TRPC4AP: variants seen among roughly 807,000 people sequenced by gnomAD.
TRPC4AP encodes short transient receptor potential channel 4-associated protein.
Under a neutral mutation model 99.0 loss-of-function variants are expected in TRPC4AP, and 45 were observed. That is an observed-to-expected ratio of 0.45 (90% CI 0.36 to 0.58). The LOEUF (loss-of-function observed/expected upper bound fraction) is 0.58, where lower values mean the gene tolerates loss of function less well. TRPC4AP is among the 20% of genes least tolerant of loss of function. The pLI is 0.00. For synonymous variants in TRPC4AP, 408 were observed against 385.8 expected (o/e 1.06, Z -0.67); for missense variants, 879 against 985.3 (o/e 0.89, Z 1.44).
intron 17 of TRPC4AP, 99 bp downstream of exon 17, chr20:35,004,359 G>C (rs562076379): frequency 3.2e-5 from 31 of 980,966 alleles, no homozygotes; most frequent in South Asian, 2.9e-4. Flanking sequence ...CTCCAGAGAC[G>C]CACTTCTGGA....
chr20:35,007,558 G>A lies in TRPC4AP; in HGVS notation c.1678C>T (p.Leu560Phe). The A allele has an allele frequency of 6.2e-7, 1 of 1,614,190 alleles. No homozygotes were observed. Among genetic ancestry groups the A allele is most frequent in the Non-Finnish European group, 8.5e-7 (1 of 1,180,008 alleles). Reference sequence around the variant, plus strand: ...GCTGCTCCAGATCATACCTCCAAGAGGCCTCGCTTCAGCAGGAACATCTGG... The same window carrying A: ...GCTGCTCCAGATCATACCTCCAAGAAGCCTCGCTTCAGCAGGAACATCTGG... ...ADQMFLLKRG[L>F]LEHILYCIVD... The change falls in exon 14 of 19, where the codon CTC becomes TTC. Residue 560 changes from leucine (L) to phenylalanine (F), a missense_variant. Coordinates refer to ENST00000252015, the MANE Select transcript of TRPC4AP (RefSeq NM_015638.3).
chr20:35,080,810 T>G (rs949099007), intron 1 of TRPC4AP, among the ~76,000 whole-genome samples: 1 of 152,058 alleles, frequency 6.6e-6, no homozygotes, highest in Non-Finnish European at 1.5e-5. Flanking sequence ...TTCAGTTTTT[T>G]TTTTTTTTAC....
At chr20:35,015,047 G>A (rs1468108155) in intron 10 of TRPC4AP, among the ~76,000 whole-genome samples, 1 of 152,100 alleles carries the variant, frequency 6.6e-6, no homozygotes, top group Non-Finnish European at 1.5e-5. Flanking sequence ...CACCCAGGCC[G>A]GATGTGCAGT....
chr20:35,060,289 T>C (rs913634681), intron 3 of TRPC4AP, among the ~76,000 whole-genome samples: 3 of 151,778 alleles, frequency 2.0e-5, no homozygotes, highest in African/African-American at 7.3e-5. Context: ...TCCAGACACA[T>C]ACAAAAAGGA....
intron 16 of TRPC4AP, among the ~76,000 whole-genome samples, chr20:35,005,061 C>A (rs1031224051): frequency 4.5e-4 from 68 of 152,190 alleles, no homozygotes; most frequent in Non-Finnish European, 2.5e-4. Context: ...GCAACTGCTT[C>A]CCGCACAACT....
At chr20:35,037,707 C>T (rs1034478161) in intron 7 of TRPC4AP, among the ~76,000 whole-genome samples, 6 of 152,176 alleles carry the variant, frequency 3.9e-5, no homozygotes, top group East Asian at 1.9e-4. Context: ...ACTGCATTAA[C>T]GCTGTTGCGG....
At chr20:35,015,039 C>G (rs1312625777) in intron 10 of TRPC4AP, among the ~76,000 whole-genome samples, 2 of 152,162 alleles carry the variant, frequency 1.3e-5, no homozygotes, top group Non-Finnish European at 2.9e-5. Flanking sequence ...TGCTCTGTCA[C>G]CCAGGCCGGA....
intron 8 of TRPC4AP, among the ~76,000 whole-genome samples, chr20:35,033,556 A>G (rs2083250088): frequency 6.6e-6 from 1 of 152,212 alleles, no homozygotes; most frequent in Admixed American, 6.5e-5. Context: ...ACTGCTCCAA[A>G]GTCTAATTCA....
At chr20:35,044,338 G>T (rs770813052) in intron 7 of TRPC4AP, among the ~76,000 whole-genome samples, 167 bp downstream of exon 7, 1 of 148,352 alleles carries the variant, frequency 6.7e-6, no homozygotes, top group Non-Finnish European at 1.5e-5. Flanking sequence ...GCTGCAGTGA[G>T]CCACGATTGT....
chr20:35,044,492 T>C lies in TRPC4AP; in HGVS notation c.865+13A>G, dbSNP rs746965377. 3.7e-6 allele frequency: 6 copies of C among 1,610,572 alleles called. No homozygotes were observed. The Admixed American group carries it at 8.3e-5, about 22-fold the overall frequency. On this transcript the variant is annotated intron_variant, in intron 7 of 18. Coordinates refer to ENST00000252015, the MANE Select transcript of TRPC4AP (RefSeq NM_015638.3). ...GCTATAATCTCAAAATTCTGAGAAC[T>C]TGGAGACTTTACCTTGATTGATTTC...
At chr20:35,046,447 G>C (rs1179224881) in intron 6 of TRPC4AP, among the ~76,000 whole-genome samples, 1 of 152,190 alleles carries the variant, frequency 6.6e-6, no homozygotes, top group African/African-American at 2.4e-5. Context: ...TCACTGCACA[G>C]ATCACATGAA....
intron 3 of TRPC4AP, among the ~76,000 whole-genome samples, chr20:35,059,920 CAAAGACGAA>C (rs933583678): frequency 1.4e-5 from 2 of 146,332 alleles, no homozygotes; most frequent in Non-Finnish European, 3.0e-5. Flanking sequence ...ACGAAGAAGA[CAAAGACGAA>C]GAAGACGAAG....
intron 2 of TRPC4AP, 85 bp downstream of exon 2, chr20:35,077,961 C>G: frequency 7.6e-6 from 11 of 1,447,820 alleles, no homozygotes; most frequent in Non-Finnish European, 1.0e-5. Flanking sequence ...TTTTTAAAAG[C>G]CAACGGAAGG....
intron 16 of TRPC4AP, 77 bp downstream of exon 16, chr20:35,005,618 C>T: frequency 7.2e-7 from 1 of 1,393,760 alleles, no homozygotes; most frequent in Non-Finnish European, 1.0e-6. Flanking sequence ...ATTCTTGTCT[C>T]CCTGCTGGAG....
At chr20:35,087,526 C>T (rs2084921634) in intron 1 of TRPC4AP, among the ~76,000 whole-genome samples, 1 of 152,072 alleles carries the variant, frequency 6.6e-6, no homozygotes. Context: ...CGGGTCATGA[C>T]CTGTAATGTG....
intron 8 of TRPC4AP, among the ~76,000 whole-genome samples, chr20:35,031,337 C>G (rs968602337): frequency 6.7e-6 from 1 of 149,948 alleles, no homozygotes; most frequent in African/African-American, 2.5e-5. Flanking sequence ...ATTGTCCCAT[C>G]TCAGTCTCCT....
intron 9 of TRPC4AP, 44 bp downstream of exon 9, chr20:35,021,146 C>A: frequency 1.3e-6 from 2 of 1,588,816 alleles, no homozygotes; most frequent in African/African-American, 1.3e-5. Flanking sequence ...AGCACCCGGG[C>A]AGCACCTGCT....
intron 8 of TRPC4AP, among the ~76,000 whole-genome samples, chr20:35,026,941 G>C (rs1199713086): frequency 6.6e-6 from 1 of 151,976 alleles, no homozygotes; most frequent in African/African-American, 2.4e-5. Flanking sequence ...TAGTTTACTG[G>C]TTTTTATAGT....
intron 7 of TRPC4AP, among the ~76,000 whole-genome samples, chr20:35,036,946 C>T (rs1005865615): frequency 2.6e-5 from 4 of 151,414 alleles, no homozygotes; most frequent in Admixed American, 2.0e-4. Flanking sequence ...TCTGTCTCAA[C>T]GCGTGCGCAC....
Sources: allele counts gnomAD v4.1 joint callset (sites outside exome capture counted in the v4.1 genomes callset), GRCh38; gene constraint gnomAD v4.1.1; transcripts MANE v1.5; gene names NCBI Gene and HGNC (gene_info 2026-07-23, HGNC 2026-07-21).